PALLD: variants seen among roughly 807,000 people sequenced by gnomAD.
PALLD encodes palladin.
In PALLD, 61 loss-of-function variants were observed where a neutral mutation model predicts 123.5. That is an observed-to-expected ratio of 0.49 (90% CI 0.40 to 0.61). The LOEUF (loss-of-function observed/expected upper bound fraction) is 0.61. PALLD is among the 20% of genes least tolerant of loss of function. PALLD has a pLI of 0.00. For missense variants in PALLD, 1,273 were observed against 1,377.0 expected (o/e 0.92, Z 1.20); for synonymous variants, 465 against 496.4 (o/e 0.94, Z 0.84).
Position 168,497,191 on chromosome 4 carries a change from A to G in PALLD, c.-86A>G, listed in dbSNP as rs1760831039. Reference sequence around the variant, plus strand: ...AGTCTTCAAACTGACCAAGCATTGAAAAGGTCTGTAAGGTGTATCTTAATA... The same window carrying G: ...AGTCTTCAAACTGACCAAGCATTGAGAAGGTCTGTAAGGTGTATCTTAATA... On this transcript the variant is annotated 5_prime_UTR_variant, in exon 1 of 22. Transcript: ENST00000505667. 6.6e-6 allele frequency: 1 copy of G among 152,156 alleles called. No individual in the cohort carries two copies. Among genetic ancestry groups the G allele is most frequent in the South Asian group, 2.1e-4 (1 of 4,826 alleles). 9.4% of individuals were successfully genotyped at this position (152,156 alleles called of 1,614,324 possible).
intron 10 of PALLD, among the ~76,000 whole-genome samples, chr4:168,842,775 T>C (rs538350176): frequency 6.6e-6 from 1 of 152,328 alleles, no homozygotes; most frequent in South Asian, 2.1e-4. Context: ...CTCCATGCCC[T>C]CATGGAGTAC....
At chr4:168,604,862 A>G (rs1234820862) in intron 2 of PALLD, among the ~76,000 whole-genome samples, 1 of 152,208 alleles carries the variant, frequency 6.6e-6, no homozygotes, top group Non-Finnish European at 1.5e-5. Context: ...AAAGTTCTCA[A>G]CTGATAGAGT....
intron 1 of PALLD, among the ~76,000 whole-genome samples, chr4:168,505,399 T>G (rs1391539191): frequency 3.3e-5 from 5 of 152,230 alleles, no homozygotes; most frequent in Admixed American, 3.3e-4. Flanking sequence ...TTTTCATCAT[T>G]CAGAAGTTTG....
chr4:168,609,587 G>A (rs1773535260), intron 2 of PALLD, among the ~76,000 whole-genome samples: 1 of 152,164 alleles, frequency 6.6e-6, no homozygotes, highest in Non-Finnish European at 1.5e-5. Context: ...CCTTCATGCG[G>A]GGGTATCAGA....
chr4:168,618,026 G>T (rs1774393997), intron 2 of PALLD, among the ~76,000 whole-genome samples: 1 of 152,150 alleles, frequency 6.6e-6, no homozygotes, highest in Non-Finnish European at 1.5e-5. Flanking sequence ...CATCAGTAAA[G>T]TTCTATATTT....
chr4:168,591,027 G>A (rs1029552781), intron 2 of PALLD, among the ~76,000 whole-genome samples: 1 of 151,816 alleles, frequency 6.6e-6, no homozygotes, highest in African/African-American at 2.4e-5. Context: ...TTACGGGCCT[G>A]TGCCACCATA....
At chr4:168,702,821 C>T (rs1410983313) in intron 8 of PALLD, among the ~76,000 whole-genome samples, 1 of 151,944 alleles carries the variant, frequency 6.6e-6, no homozygotes, top group Non-Finnish European at 1.5e-5. Flanking sequence ...TTGTAACTTT[C>T]CAGAGACATC....
rs139027812 is a variant in PALLD, at chr4:168,855,335, C to T, written c.1965-35587C>T. Among the ~76,000 whole-genome samples the T allele has an allele frequency of 7.3e-3, 1,116 of 152,228 alleles. 18 individuals are homozygous for T. Among genetic ancestry groups the T allele is most frequent in the African/African-American group, 0.023 (970 of 41,528 alleles). ...CGATCTCTTGACCTCGTGATCCACC[C>T]GCCTCGGCCTCCCAGAGTGCTGGGA... On this transcript the variant is annotated intron_variant, in intron 10 of 21. Coordinates refer to ENST00000505667, the MANE Select transcript of PALLD (RefSeq NM_001166108.2).
intron 15 of PALLD, among the ~76,000 whole-genome samples, chr4:168,911,879 G>C (rs1033177268): frequency 1.1e-4 from 16 of 152,138 alleles, no homozygotes; most frequent in Admixed American, 3.3e-4. Flanking sequence ...ATGCCAGACG[G>C]AGTCACATAT....
rs185666423 is a variant in PALLD at position 168,564,023 on chromosome 4, C to T, written c.908+51611C>T. Among the ~76,000 whole-genome samples, 347 of 152,300 alleles carry T rather than the reference C, an allele frequency of 2.3e-3. 1 individual carries two copies. The highest frequency in any genetic ancestry group is 6.3e-3 in the African/African-American group (261 of 41,568). On this transcript the variant is annotated intron_variant, in intron 2 of 21. Coordinates refer to ENST00000505667, the MANE Select transcript of PALLD (RefSeq NM_001166108.2). Reference sequence around the variant, plus strand: ...TCATCACCCTTCTCCCAGCCTTCACCCTTCCCAGTCTCCATTGTCTGTCCA... The same window carrying T: ...TCATCACCCTTCTCCCAGCCTTCACTCTTCCCAGTCTCCATTGTCTGTCCA...
At chr4:168,584,446 C>A (rs531396617) in intron 2 of PALLD, among the ~76,000 whole-genome samples, 2 of 152,222 alleles carry the variant, frequency 1.3e-5, no homozygotes, top group East Asian at 3.9e-4. Context: ...TGGATCTCAA[C>A]CAAAAATTGT....
chr4:168,831,764 G>C (rs1017328037), intron 10 of PALLD, among the ~76,000 whole-genome samples: 7 of 152,152 alleles, frequency 4.6e-5, no homozygotes, highest in African/African-American at 1.7e-4. Flanking sequence ...ATCCTAACAA[G>C]CCGACAACAT....
chr4:168,703,078 T>C, intron 8 of PALLD, among the ~76,000 whole-genome samples: 1 of 118,622 alleles, frequency 8.4e-6, no homozygotes, highest in African/African-American at 3.3e-5. Flanking sequence ...CCCACAACAG[T>C]CCCCAGAGTG....
At chr4:168,521,842 T>C (rs1763598162) in intron 2 of PALLD, among the ~76,000 whole-genome samples, 1 of 152,260 alleles carries the variant, frequency 6.6e-6, no homozygotes, top group Non-Finnish European at 1.5e-5. Flanking sequence ...AGTAGTGGGA[T>C]ACTTTCCCTT....
At chr4:168,752,784 C>T (rs150949960) in intron 10 of PALLD, among the ~76,000 whole-genome samples, 2,603 of 151,996 alleles carry the variant, frequency 0.017, 92 homozygotes, top group South Asian at 0.15. Context: ...TAACTTGAAG[C>T]TACTTTTTAG....
chr4:168,548,066 C>T (rs77260631), intron 2 of PALLD, among the ~76,000 whole-genome samples: 597 of 151,940 alleles, frequency 3.9e-3, no homozygotes, highest in Admixed American at 6.7e-3. Context: ...ACAAAAAAGT[C>T]TCCTTCAGGC....
At chr4:168,573,559 A>G (rs1055741022) in intron 2 of PALLD, among the ~76,000 whole-genome samples, 6 of 152,094 alleles carry the variant, frequency 3.9e-5, no homozygotes, top group Non-Finnish European at 5.9e-5. Context: ...TCTGGTTTTT[A>G]TTGGTGGGGG....
chr4:168,908,534 A>G (rs927810830), intron 15 of PALLD, among the ~76,000 whole-genome samples: 1 of 152,248 alleles, frequency 6.6e-6, no homozygotes, highest in African/African-American at 2.4e-5. Flanking sequence ...TTCAAGATAT[A>G]GTAATCCCAA....
intron 2 of PALLD, chr4:168,598,205 T>A (rs1184238089): frequency 2.8e-6 from 1 of 353,662 alleles, no homozygotes; most frequent in Non-Finnish European, 5.7e-6. Flanking sequence ...TTGTTAAATC[T>A]AGTCCATGCC....
Sources: allele counts gnomAD v4.1 joint callset (sites outside exome capture counted in the v4.1 genomes callset), GRCh38; gene constraint gnomAD v4.1.1; transcripts MANE v1.5; gene names NCBI Gene and HGNC (gene_info 2026-07-23, HGNC 2026-07-21).